FSTL5: variants seen among roughly 807,000 people sequenced by gnomAD.
FSTL5 encodes the protein follistatin like 5.
FSTL5 carries 62 observed loss-of-function variants against 89.1 expected under a neutral mutation model. The ratio of observed to expected loss-of-function variants is 0.70; its 90% CI spans 0.57 to 0.86. The LOEUF (loss-of-function observed/expected upper bound fraction) is 0.86, where lower values mean the gene tolerates loss of function less well. Ranked by LOEUF, FSTL5 falls within the 40% of genes least tolerant of loss-of-function variation. The pLI is 0.00. For missense variants in FSTL5, 1,057 were observed against 1,001.6 expected (o/e 1.06, Z -0.75); for synonymous variants, 383 against 346.2 (o/e 1.11, Z -1.18).
At chr4:161,987,080 C>A (rs1434571805) in intron 3 of FSTL5, among the ~76,000 whole-genome samples, 4 of 152,178 alleles carry the variant, frequency 2.6e-5, no homozygotes, top group African/African-American at 9.7e-5. Context: ...GACAGTCACG[C>A]ATTCCCTGCA....
At chr4:161,875,759 T>C (rs1257023791) in intron 4 of FSTL5, among the ~76,000 whole-genome samples, 3 of 152,224 alleles carry the variant, frequency 2.0e-5, no homozygotes, top group African/African-American at 4.8e-5. Flanking sequence ...CCTTTTCCCC[T>C]AACTTGATTG....
intron 6 of FSTL5, among the ~76,000 whole-genome samples, chr4:161,755,984 A>C (rs188272631): frequency 2.0e-5 from 3 of 152,178 alleles, no homozygotes; most frequent in Admixed American, 2.0e-4. Flanking sequence ...AATTCTCATT[A>C]AAGTATAAAT....
At chr4:161,852,616 T>A (rs1269821402) in intron 4 of FSTL5, among the ~76,000 whole-genome samples, 1 of 152,178 alleles carries the variant, frequency 6.6e-6, no homozygotes, top group Non-Finnish European at 1.5e-5. Flanking sequence ...ACTGCATATA[T>A]ACTCAAAAGA....
At chr4:161,453,035 A>G (rs1733227358) in intron 15 of FSTL5, among the ~76,000 whole-genome samples, 1 of 152,220 alleles carries the variant, frequency 6.6e-6, no homozygotes, top group Non-Finnish European at 1.5e-5. Flanking sequence ...CATATAAATT[A>G]TATCTACAAA....
chr4:162,075,448 T>A (rs117262815), intron 2 of FSTL5, among the ~76,000 whole-genome samples: 2 of 151,770 alleles, frequency 1.3e-5, no homozygotes, highest in Non-Finnish European at 2.9e-5. Context: ...TGTCCAGGTG[T>A]CAGCTCCATG....
chr4:161,538,526 T>A (rs1236095876), intron 9 of FSTL5, among the ~76,000 whole-genome samples: 2 of 152,160 alleles, frequency 1.3e-5, no homozygotes, highest in Non-Finnish European at 2.9e-5. Context: ...AAATGCATAG[T>A]TTATGTTTTG....
chr4:161,774,738 A>C (rs1429807843), intron 5 of FSTL5, among the ~76,000 whole-genome samples: 2 of 150,382 alleles, frequency 1.3e-5, no homozygotes, highest in African/African-American at 5.0e-5. Context: ...AAGTGCTTAA[A>C]TTAGAAATTT....
At chr4:162,129,896 A>G (rs1732229683) in intron 1 of FSTL5, among the ~76,000 whole-genome samples, 1 of 152,218 alleles carries the variant, frequency 6.6e-6, no homozygotes, top group Non-Finnish European at 1.5e-5. Context: ...TTTCTTTGAG[A>G]TTTACTCATC....
chr4:161,810,005 A>G (rs1730088697), intron 4 of FSTL5, among the ~76,000 whole-genome samples: 1 of 152,154 alleles, frequency 6.6e-6, no homozygotes, highest in Admixed American at 6.5e-5. Context: ...GTTTGAATCA[A>G]AATTTCATTG....
chr4:162,082,963 A>G (rs1477837989), intron 2 of FSTL5, among the ~76,000 whole-genome samples: 1 of 151,598 alleles, frequency 6.6e-6, no homozygotes, highest in African/African-American at 2.4e-5. Context: ...ATCAAATACA[A>G]ATTTGAATGG....
rs544875347 is a variant in FSTL5 at position 162,069,172 on chromosome 4, T to C, written c.127-35514A>G. Among the ~76,000 whole-genome samples, 9 of 151,966 alleles carry C rather than the reference T, an allele frequency of 5.9e-5. No individual in the cohort carries two copies. The South Asian group carries it at 1.9e-3, about 32-fold the overall frequency. On this transcript the variant is annotated intron_variant, in intron 2 of 15. Coordinates refer to ENST00000306100, the MANE Select transcript of FSTL5 (RefSeq NM_020116.5). The stretch of plus-strand genomic sequence containing the variant: ...AGACCTAGAATCATTAGTCCTTTGA[T>C]TTTCTATAACACATCTAAAATGAAC...
intron 11 of FSTL5, among the ~76,000 whole-genome samples, chr4:161,509,922 C>A (rs975163639): frequency 1.3e-5 from 2 of 152,122 alleles, no homozygotes; most frequent in Non-Finnish European, 2.9e-5. Flanking sequence ...CTACTATACT[C>A]CTTTTTGAGA....
At chr4:161,741,354 G>A (rs1188903796) in intron 6 of FSTL5, among the ~76,000 whole-genome samples, 1 of 152,102 alleles carries the variant, frequency 6.6e-6, no homozygotes, top group Non-Finnish European at 1.5e-5. Context: ...AAGAGAACTG[G>A]AAAGATAGTG....
intron 8 of FSTL5, among the ~76,000 whole-genome samples, chr4:161,563,746 A>G (rs1218702664): frequency 3.3e-5 from 5 of 151,986 alleles, no homozygotes; most frequent in Non-Finnish European, 7.4e-5. Flanking sequence ...GAAAGTGCAC[A>G]TATTGTTCTT....
At chr4:161,592,810 A>G (rs961735606) in intron 7 of FSTL5, among the ~76,000 whole-genome samples, 47 of 152,258 alleles carry the variant, frequency 3.1e-4, no homozygotes, top group Non-Finnish European at 4.4e-4. Context: ...GCTGGGTCAG[A>G]TGGTATTTCT....
rs189593328 is a variant in FSTL5 at position 162,024,756 on chromosome 4, G to A, written c.160+8869C>T. Among the ~76,000 whole-genome samples, 215 of 152,032 alleles carry A rather than the reference G, an allele frequency of 1.4e-3. 2 individuals are homozygous for A. The highest frequency in any genetic ancestry group is 3.7e-4 in the Non-Finnish European group (25 of 67,976). The stretch of plus-strand genomic sequence containing the variant: ...AGTTACTGCAGCCTTTAACTCAAGT[G>A]GTCCTCCAACCTCAGCCTCTAGAGG... On this transcript the variant is annotated intron_variant, in intron 3 of 15. Transcript: ENST00000306100.
At chr4:162,026,698 T>A (rs1737310017) in intron 3 of FSTL5, among the ~76,000 whole-genome samples, 1 of 152,164 alleles carries the variant, frequency 6.6e-6, no homozygotes, top group African/African-American at 2.4e-5. Context: ...AATATTGCGA[T>A]GTTAGTGTGT....
intron 3 of FSTL5, among the ~76,000 whole-genome samples, chr4:161,938,553 G>T (rs1337590098): frequency 1.3e-5 from 2 of 151,942 alleles, no homozygotes; most frequent in African/African-American, 4.8e-5. Flanking sequence ...AAGAAACACT[G>T]GTGTACACCT....
Position 161,386,065 on chromosome 4 carries a change from CAG to C in FSTL5, c.2224_2225del (p.Leu742GlyfsTer8). On this transcript the variant is annotated frameshift_variant, in exon 16 of 16. Coordinates refer to ENST00000306100, the MANE Select transcript of FSTL5 (RefSeq NM_020116.5). LOFTEE classifies it high-confidence loss of function. ...DIYTNLHISD[L>X]AFQPSFTEAH... ...CTTCAGTAAAGGATGGTTGAAATGC[CAG>C]ATCAGATATGTGCAGATTTGTGTAA... The C allele has an allele frequency of 6.2e-7, 1 of 1,613,958 alleles. No homozygotes were observed. Among genetic ancestry groups the C allele is most frequent in the South Asian group, 1.1e-5 (1 of 91,078 alleles).
Sources: gnomAD v4.1 joint callset for allele counts (sites outside exome capture counted in the v4.1 genomes callset) on GRCh38, gnomAD v4.1.1 for gene constraint, MANE v1.5 for transcripts, NCBI Gene and HGNC (gene_info 2026-07-23, HGNC 2026-07-21) for gene names.